Variants in GPNMB observed in about 807,000 individuals in gnomAD.
GPNMB encodes glycoprotein nmb, also known as transmembrane glycoprotein NMB.
In GPNMB, 71 loss-of-function variants were observed where a neutral mutation model predicts 57.3. The observed-to-expected ratio is 1.24, with a 90% CI of 1.02 to 1.51. GPNMB has a LOEUF of 1.51. Among genes scored for constraint, GPNMB ranks in the 40% most tolerant of loss-of-function variants. The probability of loss-of-function intolerance (pLI) is 0.00; values close to 1 mark genes in which losing one functional copy is unlikely to be tolerated. For missense variants in GPNMB, 677 were observed against 691.9 expected, an observed-to-expected ratio of 0.98 and a Z score of 0.24; for synonymous variants, 253 against 263.2, an observed-to-expected ratio of 0.96 and a Z score of 0.38.
intron 2 of GPNMB, 98 bp from the exon 3 acceptor site, chr7:23,254,071 T>C (rs1782720300): frequency 9.5e-7 from 1 of 1,053,204 alleles, no homozygotes; most frequent in Non-Finnish European, 1.3e-6. Context: ...AAGAGGCATA[T>C]GGGTCCTCTG....
chr7:23,268,683 A>G (rs1179966622), intron 8 of GPNMB, among the ~76,000 whole-genome samples: 1 of 151,548 alleles, frequency 6.6e-6, no homozygotes, highest in African/African-American at 2.4e-5. Flanking sequence ...AATCAGGAGA[A>G]TGAAGTGGTA....
At chr7:23,273,435 C>T (rs1783257983) in intron 9 of GPNMB, 86 bp from the exon 10 acceptor site, 1 of 824,392 alleles carries the variant, frequency 1.2e-6, no homozygotes, top group African/African-American at 1.7e-5. Context: ...TGTGACGGCT[C>T]CCTTCCTCAT....
At position 23,260,165 on chromosome 7, in the gene GPNMB, A is replaced by G. The variant is rs147861868; in HGVS notation, c.700+27A>G. The G allele has an allele frequency of 1.9e-3, 2,997 of 1,610,212 alleles. 10 individuals are homozygous for G. Among genetic ancestry groups the G allele is most frequent in the Middle Eastern group, 0.014 (86 of 6,048 alleles). On this transcript the variant is annotated intron_variant, in intron 5 of 10. Transcript: ENST00000258733. The stretch of plus-strand genomic sequence containing the variant: ...TGAGTGGTGTGAACTCTAACTGAGG[A>G]TGAGGCACTTCATTCTGTTGACGTC...
chr7:23,260,725 C>G lies in GPNMB; in HGVS notation c.970C>G (p.Pro324Ala), dbSNP rs1454463043. The G allele has an allele frequency of 3.1e-6, 5 of 1,592,338 alleles. No homozygotes were observed. The Admixed American group carries it at 6.9e-5, about 22-fold the overall frequency. ...GAAAGCTGCAGCACCAGGACCTTGT[C>G]CGCCACCGCCACCACCACCCAGACC... ...TVKAAAPGPC[P>A]PPPPPPRPSK... The change falls in exon 6 of 11, where the codon CCG becomes GCG. Residue 324 changes from proline to alanine, a missense_variant. By Grantham distance (27) the Pro-to-Ala change is conservative. Transcript: ENST00000258733.
At chr7:23,263,128 G>T (rs1782969449) in intron 6 of GPNMB, among the ~76,000 whole-genome samples, 1 of 152,082 alleles carries the variant, frequency 6.6e-6, no homozygotes, top group African/African-American at 2.4e-5. Context: ...TAATATTTAA[G>T]TTCCAGAATG....
chr7:23,253,602 T>G, intron 2 of GPNMB, 143 bp downstream of exon 2: 1 of 646,184 alleles, frequency 1.5e-6, no homozygotes, highest in South Asian at 2.2e-5. Flanking sequence ...GCACCTGGAC[T>G]TGGCAATATT....
At chr7:23,254,068 A>T in intron 2 of GPNMB, 101 bp from the exon 3 acceptor site, 1 of 989,980 alleles carries the variant, frequency 1.0e-6, no homozygotes, top group South Asian at 2.2e-5. Context: ...ATAAAGAGGC[A>T]TATGGGTCCT....
rs140290060 is a variant in GPNMB at position 23,246,888 on chromosome 7, C to T, written c.31C>T (p.Leu11=). The T allele has an allele frequency of 3.1e-6, 5 of 1,613,844 alleles. No homozygotes were observed. The African/African-American group carries it at 5.3e-5, about 17-fold the overall frequency. Residue 11 remains leucine (L), a synonymous_variant, in exon 1 of 11, where the codon CTG becomes TTG. Coordinates refer to ENST00000258733, the MANE Select transcript of GPNMB (RefSeq NM_002510.3). ...ATGTCTCTACTATTTCCTGGGATTT[C>T]TGCTCCTGGCTGCAAGATTGCCACT... MECLYYFLGF[L]LLAARLPLDA...
intron 9 of GPNMB, among the ~76,000 whole-genome samples, chr7:23,272,305 G>T (rs1286841737): frequency 6.6e-6 from 1 of 152,142 alleles, no homozygotes; most frequent in East Asian, 1.9e-4. Flanking sequence ...ACTTTAGGTG[G>T]GACCTGAGTC....
Position 23,253,170 on chromosome 7 carries a change from C to T in GPNMB, c.71-137C>T, listed in dbSNP as rs1300007988. Reference sequence around the variant, plus strand: ...TTTCCAGGAGACTTCCTTTAAAAAACAAAGCACCCTCTGTTTACTTGATGC... The same window carrying T: ...TTTCCAGGAGACTTCCTTTAAAAAATAAAGCACCCTCTGTTTACTTGATGC... On this transcript the variant is annotated intron_variant, in intron 1 of 10. Coordinates refer to ENST00000258733, the MANE Select transcript of GPNMB (RefSeq NM_002510.3). 4 of 640,978 alleles carry T rather than the reference C, an allele frequency of 6.2e-6. No homozygotes were observed. The African/African-American group carries it at 7.4e-5, about 12-fold the overall frequency. 39.7% of individuals were successfully genotyped at this position (640,978 alleles called of 1,614,324 possible). A position where few individuals can be genotyped will look rare whatever the true frequency, so the allele number is the denominator to read the frequency against.
chr7:23,251,472 A>C (rs889147859), intron 1 of GPNMB, among the ~76,000 whole-genome samples: 27 of 152,252 alleles, frequency 1.8e-4, no homozygotes, highest in African/African-American at 6.3e-4. Context: ...GCTGTAACAA[A>C]ATAGGTTAAG....
At chr7:23,262,784 A>G (rs1264722010) in intron 6 of GPNMB, among the ~76,000 whole-genome samples, 1 of 151,276 alleles carries the variant, frequency 6.6e-6, no homozygotes, top group African/African-American at 2.4e-5. Flanking sequence ...ACACCCAGCT[A>G]ATTTTTTTAT....
intron 3 of GPNMB, among the ~76,000 whole-genome samples, chr7:23,254,944 G>A (rs944016144): frequency 6.6e-6 from 1 of 152,166 alleles, no homozygotes; most frequent in Non-Finnish European, 1.5e-5. Context: ...GCCGAGGCAG[G>A]TGTATCACCT....
At chr7:23,265,786 A>G (rs1783042794) in intron 6 of GPNMB, among the ~76,000 whole-genome samples, 1 of 151,732 alleles carries the variant, frequency 6.6e-6, no homozygotes, top group Non-Finnish European at 1.5e-5. Flanking sequence ...ATGAGCAAAT[A>G]GAGGCAAAAA....
chr7:23,270,655 C>T (rs558272833), intron 9 of GPNMB, among the ~76,000 whole-genome samples: 2 of 152,188 alleles, frequency 1.3e-5, no homozygotes, highest in Non-Finnish European at 2.9e-5. Context: ...ACTTACCATG[C>T]ATCCTCTCTT....
chr7:23,269,939 G>A (rs902576191), intron 8 of GPNMB, 28 bp from the exon 9 acceptor site: 1 of 1,549,710 alleles, frequency 6.5e-7, no homozygotes. Context: ...TGTGCCCTGT[G>A]CGCCCTCGCC....
intron 4 of GPNMB, 44 bp from the exon 5 acceptor site, chr7:23,259,936 T>G: frequency 6.3e-6 from 10 of 1,582,980 alleles, no homozygotes; most frequent in African/African-American, 1.3e-5. Flanking sequence ...CCTATAATGA[T>G]GATATAATGC....
At chr7:23,260,868 T>C in intron 6 of GPNMB, 95 bp downstream of exon 6, 2 of 990,278 alleles carry the variant, frequency 2.0e-6, no homozygotes, top group Non-Finnish European at 2.9e-6. Flanking sequence ...AAGGGGATAT[T>C]GTAAGGACTC....
chr7:23,267,060 A>G (rs1179011072), intron 7 of GPNMB, among the ~76,000 whole-genome samples: 2 of 152,266 alleles, frequency 1.3e-5, no homozygotes, highest in African/African-American at 4.8e-5. Flanking sequence ...AAGGCATACA[A>G]CAGAGAAGAC....
Sources: gnomAD v4.1 joint callset for allele counts (sites outside exome capture counted in the v4.1 genomes callset) on GRCh38, gnomAD v4.1.1 for gene constraint, MANE v1.5 for transcripts, NCBI Gene and HGNC (gene_info 2026-07-23, HGNC 2026-07-21) for gene names.